The following KAZN variants were observed in gnomAD, a reference collection of about 807,000 sequenced individuals.
The protein encoded by KAZN is kazrin, periplakin interacting protein, also known as kazrin.
In KAZN, 40 loss-of-function variants were observed where a neutral mutation model predicts 87.4. The observed-to-expected ratio is 0.46, with a 90% CI of 0.36 to 0.60. The LOEUF (loss-of-function observed/expected upper bound fraction) is 0.60. Ranked by LOEUF, KAZN falls within the 20% of genes least tolerant of loss-of-function variation. KAZN has a pLI of 0.00. For missense variants in KAZN, 898 were observed against 1,073.9 expected (o/e 0.84, Z 2.29); for synonymous variants, 466 against 458.3 (o/e 1.02, Z -0.22).
intron 1 of KAZN, among the ~76,000 whole-genome samples, chr1:14,168,577 A>T (rs1645882796): frequency 6.6e-6 from 1 of 152,060 alleles, no homozygotes; most frequent in Non-Finnish European, 1.5e-5. Flanking sequence ...GCAACAGTGG[A>T]TGGAGATGAT....
chr1:14,160,253 T>C (rs559662083), intron 1 of KAZN, among the ~76,000 whole-genome samples: 1 of 152,284 alleles, frequency 6.6e-6, no homozygotes, highest in African/African-American at 2.4e-5. Context: ...ACCACTGACA[T>C]AGGCAATTCC....
intron 1 of KAZN, among the ~76,000 whole-genome samples, chr1:14,635,978 G>A (rs1000567097): frequency 6.6e-6 from 1 of 152,224 alleles, no homozygotes; most frequent in Non-Finnish European, 1.5e-5. Context: ...GTGGGCATAT[G>A]GAAAATCACG....
chr1:14,739,384 C>CTTGT (rs1357413960), intron 1 of KAZN, among the ~76,000 whole-genome samples: 3 of 152,040 alleles, frequency 2.0e-5, no homozygotes, highest in African/African-American at 7.2e-5. Flanking sequence ...TAGGTGCTGG[C>CTTGT]ATCGGAAGTA....
At chr1:14,197,699 TAAC>T (rs936278359) in intron 2 of KAZN, among the ~76,000 whole-genome samples, 2 of 151,718 alleles carry the variant, frequency 1.3e-5, no homozygotes, top group African/African-American at 2.4e-5. Flanking sequence ...AACAAAACAA[TAAC>T]AACAACAAAA....
intron 2 of KAZN, among the ~76,000 whole-genome samples, chr1:14,563,574 C>T (rs757027304): frequency 7.2e-5 from 11 of 152,080 alleles, no homozygotes; most frequent in African/African-American, 2.2e-4. Context: ...ATGATGCCTC[C>T]GCTACTCCCA....
chr1:14,346,574 T>G lies in KAZN; in HGVS notation c.249+165982T>G, dbSNP rs1658125938. Among the ~76,000 whole-genome samples, 2 of 152,046 alleles carry G rather than the reference T, an allele frequency of 1.3e-5. 1 individual carries two copies. The highest frequency in any genetic ancestry group is 4.1e-4 in the South Asian group (2 of 4,826). On this transcript the variant is annotated intron_variant, in intron 2 of 16. Transcript: ENST00000636203. ...AGGCTTCTTTCTTCCTTGGGTTGAA[T>G]TTTCTATACCTCCCCTCTGTATCAG...
rs1302731624 is a variant in KAZN, at chr1:15,070,281, T to G, written c.1222+4528T>G. ...GCACTGCCTCACTTTTGTGACTCAG[T>G]CTGTTTCCATCAGCCTTTTCCCCGC... On this transcript the variant is annotated intron_variant, in intron 8 of 14. Transcript: ENST00000376030. 2.0e-5 allele frequency among the ~76,000 whole-genome samples: 3 copies of G among 152,208 alleles called. No homozygotes were observed. In the East Asian group the frequency reaches 5.8e-4, roughly 29 times the overall value.
intron 2 of KAZN, among the ~76,000 whole-genome samples, chr1:14,989,465 G>A (rs781209258): frequency 1.3e-5 from 2 of 152,176 alleles, no homozygotes; most frequent in Non-Finnish European, 2.9e-5. Flanking sequence ...GACACAGCAA[G>A]CCTCTGTTTC....
intron 1 of KAZN, among the ~76,000 whole-genome samples, chr1:14,122,896 T>A (rs573847368): frequency 2.6e-5 from 4 of 152,314 alleles, no homozygotes; most frequent in African/African-American, 7.2e-5. Context: ...TTTGCTATTG[T>A]TTGTTTTTTG....
At chr1:14,454,934 G>A (rs1223496915) in intron 2 of KAZN, among the ~76,000 whole-genome samples, 1 of 152,172 alleles carries the variant, frequency 6.6e-6, no homozygotes, top group Non-Finnish European at 1.5e-5. Flanking sequence ...CATCTCTCAT[G>A]AGGTTGCAGT....
rs57818821 is a variant in KAZN, at chr1:14,557,672, T to TGAGAGA, written c.250-41292_250-41287dup. ...TGTGTGTGTGTGTGTGTGTGGTGTGTGAGAGAGAGAGAGAGAGAGAGAGAT... is the reference window on the plus strand; with the variant it reads ...TGTGTGTGTGTGTGTGTGTGGTGTGTGAGAGAGAGAGAGAGAGAGAGAGAGAGAGAT... On this transcript the variant is annotated intron_variant, in intron 2 of 16. Coordinates refer to the KAZN transcript ENST00000636203. Among the ~76,000 whole-genome samples, 97 of 136,948 alleles carry TGAGAGA rather than the reference T, an allele frequency of 7.1e-4. 1 individual carries two copies. The highest frequency in any genetic ancestry group is 2.3e-3 in the Admixed American group (31 of 13,216). 89.8% of individuals were successfully genotyped at this position (136,948 alleles called of 152,430 possible). A position where few individuals can be genotyped will look rare whatever the true frequency, so the allele number is the denominator to read the frequency against.
chr1:15,090,317 T>A (rs887697940), intron 8 of KAZN, among the ~76,000 whole-genome samples: 22 of 152,208 alleles, frequency 1.4e-4, no homozygotes, highest in Non-Finnish European at 2.9e-4. Context: ...GCTAGCAGAA[T>A]AAAACAGAGT....
chr1:14,047,877 GA>G lies in KAZN; in HGVS notation c.92-132547del, dbSNP rs377534581. On this transcript the variant is annotated intron_variant, in intron 1 of 16. Coordinates refer to the KAZN transcript ENST00000636203. ...AGTGAGACTCGGGAAAAAGAAAAAA[GA>G]AAAAAAAAAATAAAGAAAGAAGGAA... Among the ~76,000 whole-genome samples, 763 of 127,194 alleles carry G rather than the reference GA, an allele frequency of 6.0e-3. 6 individuals carry two copies. The highest frequency in any genetic ancestry group is 0.019 in the African/African-American group (672 of 35,506). The allele number at this position is 127,194 out of a possible 152,430, so 83.4% of individuals were successfully genotyped here. A position where few individuals can be genotyped will look rare whatever the true frequency, so the allele number is the denominator to read the frequency against.
At chr1:14,718,519 C>T (rs1642924989) in intron 1 of KAZN, among the ~76,000 whole-genome samples, 1 of 152,202 alleles carries the variant, frequency 6.6e-6, no homozygotes, top group African/African-American at 2.4e-5. Flanking sequence ...AATTTAGGCT[C>T]TTGCGAGAAT....
At chr1:14,039,902 A>C (rs1641726309) in intron 1 of KAZN, among the ~76,000 whole-genome samples, 1 of 152,238 alleles carries the variant, frequency 6.6e-6, no homozygotes, top group Non-Finnish European at 1.5e-5. Flanking sequence ...TTGTACAGCA[A>C]ATCTTTTTTA....
intron 2 of KAZN, among the ~76,000 whole-genome samples, chr1:14,203,238 G>A (rs1646675872): frequency 6.6e-6 from 1 of 152,120 alleles, no homozygotes; most frequent in South Asian, 2.1e-4. Context: ...AGAGTGGAGT[G>A]CGAGAGGAAA....
chr1:14,328,996 G>A (rs953174754), intron 2 of KAZN, among the ~76,000 whole-genome samples: 2 of 152,104 alleles, frequency 1.3e-5, no homozygotes, highest in African/African-American at 4.8e-5. Context: ...TACAAGAAAA[G>A]ACACAACTCA....
chr1:15,055,923 G>A (rs148509342), intron 4 of KAZN, among the ~76,000 whole-genome samples, 168 bp from the exon 5 acceptor site: 29 of 152,334 alleles, frequency 1.9e-4, no homozygotes, highest in African/African-American at 6.3e-4. Context: ...TCCCTCACAC[G>A]GCTGCGGGGC....
intron 1 of KAZN, among the ~76,000 whole-genome samples, chr1:14,683,822 C>A (rs1361439026): frequency 1.3e-5 from 2 of 152,192 alleles, no homozygotes; most frequent in African/African-American, 4.8e-5. Flanking sequence ...GCTGAGACAG[C>A]CATTATTTCT....
Sources: allele counts gnomAD v4.1 joint callset (sites outside exome capture counted in the v4.1 genomes callset), GRCh38; gene constraint gnomAD v4.1.1; transcripts MANE v1.5; gene names NCBI Gene and HGNC (gene_info 2026-07-23, HGNC 2026-07-21).